Variants in RYR2 observed in about 807,000 individuals in gnomAD.
RYR2 encodes ryanodine receptor 2.
Under a neutral mutation model 601.1 loss-of-function variants are expected in RYR2, and 227 were observed. The ratio of observed to expected loss-of-function variants is 0.38; its 90% CI spans 0.34 to 0.42. The LOEUF (loss-of-function observed/expected upper bound fraction) is 0.42. Among genes scored for constraint, RYR2 ranks in the 10% least tolerant of loss-of-function variants. RYR2 has a pLI of 1.00. For synonymous variants in RYR2, 2,223 were observed against 2,175.1 expected (o/e 1.02, Z -0.61); for missense variants, 4,646 against 6,156.5 (o/e 0.75, Z 8.21).
intron 97 of RYR2, among the ~76,000 whole-genome samples, chr1:237,800,566 G>A (rs1206896429): frequency 6.6e-6 from 1 of 152,030 alleles, no homozygotes; most frequent in Non-Finnish European, 1.5e-5. Flanking sequence ...AATGATTAAA[G>A]AAGTCAATAA....
At chr1:237,077,819 A>G (rs1338123991) in intron 1 of RYR2, among the ~76,000 whole-genome samples, 6 of 152,132 alleles carry the variant, frequency 3.9e-5, no homozygotes, top group South Asian at 2.1e-4. Flanking sequence ...TCAACAGAAT[A>G]TACATTTTTT....
intron 89 of RYR2, among the ~76,000 whole-genome samples, chr1:237,783,022 C>T (rs1695250759): frequency 6.6e-6 from 1 of 152,180 alleles, no homozygotes; most frequent in Non-Finnish European, 1.5e-5. Flanking sequence ...TGAATAAAAG[C>T]ATTCTGTGAT....
chr1:237,812,299 G>A (rs903401672), intron 100 of RYR2, among the ~76,000 whole-genome samples: 5 of 152,104 alleles, frequency 3.3e-5, no homozygotes, highest in African/African-American at 4.8e-5. Context: ...CCAGGCACTC[G>A]TTAAGGATAA....
chr1:237,666,650 A>G (rs1484998804), intron 57 of RYR2, 61 bp downstream of exon 57: 3 of 1,304,112 alleles, frequency 2.3e-6, no homozygotes, highest in Non-Finnish European at 3.2e-6. Context: ...GCATAATGTA[A>G]TGCTTTCCTG....
intron 12 of RYR2, among the ~76,000 whole-genome samples, chr1:237,429,395 G>A (rs992212755): frequency 6.6e-6 from 1 of 152,102 alleles, no homozygotes; most frequent in Non-Finnish European, 1.5e-5. Context: ...ATATAACTGG[G>A]CTGTAGCTTT....
chr1:237,482,420 A>T (rs1662216054), intron 17 of RYR2, among the ~76,000 whole-genome samples: 1 of 151,986 alleles, frequency 6.6e-6, no homozygotes, highest in Non-Finnish European at 1.5e-5. Flanking sequence ...AAATGTTTTG[A>T]TTTTTAGATC....
chr1:237,669,190 G>T (rs1684607527), intron 58 of RYR2, among the ~76,000 whole-genome samples: 1 of 145,502 alleles, frequency 6.9e-6, no homozygotes, highest in Non-Finnish European at 1.5e-5. Flanking sequence ...CACAGGGTTG[G>T]GGGTAAGGTC....
intron 3 of RYR2, among the ~76,000 whole-genome samples, chr1:237,355,216 G>A (rs984885555): frequency 1.3e-5 from 2 of 152,130 alleles, no homozygotes; most frequent in South Asian, 2.1e-4. Context: ...GGTGAGTTAA[G>A]GAAACTTACC....
At chr1:237,455,764 G>A (rs1441479752) in intron 15 of RYR2, among the ~76,000 whole-genome samples, 5 of 152,054 alleles carry the variant, frequency 3.3e-5, no homozygotes, top group Admixed American at 6.6e-5. Context: ...AGACCTCAAC[G>A]GCACGAAAGC....
chr1:237,783,385 C>T (rs191235678), intron 89 of RYR2, among the ~76,000 whole-genome samples: 3 of 152,182 alleles, frequency 2.0e-5, no homozygotes, highest in African/African-American at 7.2e-5. Context: ...GGCTCTTTGG[C>T]TCATTTTCTT....
At chr1:237,602,557 A>C (rs1676626608) in intron 35 of RYR2, among the ~76,000 whole-genome samples, 2 of 152,234 alleles carry the variant, frequency 1.3e-5, no homozygotes, top group South Asian at 4.1e-4. Flanking sequence ...TAACTGTAAA[A>C]TAGAAGCTCT....
rs1217059904 is a variant in RYR2, at chr1:237,616,474, C to A, written c.5716-812C>A. 3.9e-5 allele frequency among the ~76,000 whole-genome samples: 6 copies of A among 152,066 alleles called. No individual in the cohort carries two copies. The East Asian group carries it at 1.2e-3, about 29-fold the overall frequency. The stretch of plus-strand genomic sequence containing the variant: ...GCAGTTCAATGATCTCATCCATAAC[C>A]CAGATCTTAATATTTTTCTGCTCTG... On this transcript the variant is annotated intron_variant, in intron 37 of 104. Coordinates refer to ENST00000366574, the MANE Select transcript of RYR2 (RefSeq NM_001035.3).
chr1:237,334,746 G>T (rs1391209588), intron 3 of RYR2, among the ~76,000 whole-genome samples: 2 of 152,064 alleles, frequency 1.3e-5, no homozygotes, highest in African/African-American at 2.4e-5. Context: ...TGGGTTTTCT[G>T]TGGTTCTGGA....
chr1:237,051,221 C>T (rs375963262), intron 1 of RYR2, among the ~76,000 whole-genome samples: 1 of 112,936 alleles, frequency 8.9e-6, no homozygotes, highest in Non-Finnish European at 1.8e-5. Flanking sequence ...TTCTCTCCCC[C>T]CCCTTCCTCC....
chr1:237,649,797 T>G (rs1682541262), intron 49 of RYR2, 80 bp from the exon 50 acceptor site: 1 of 1,168,754 alleles, frequency 8.6e-7, no homozygotes, highest in Non-Finnish European at 1.2e-6. Flanking sequence ...ATAGTGAAAT[T>G]GTATGTCCCC....
rs1658770928 is a variant in RYR2, at chr1:237,793,955, A to G, written c.13871A>G (p.Asp4624Gly). ...TATATTACAGAACAGCCTTCAGAAG[A>G]TGATATTAAAGGCCAGTGGGATAGA... Reference protein sequence around the residue: ...GLYITEQPSEDDIKGQWDRLV... With the variant: ...GLYITEQPSEGDIKGQWDRLV... The change falls in exon 95 of 105, where the codon GAT becomes GGT. Residue 4624 changes from aspartate to glycine, a missense_variant. Coordinates refer to ENST00000366574, the MANE Select transcript of RYR2 (RefSeq NM_001035.3). 2 of 1,611,558 alleles carry G rather than the reference A, an allele frequency of 1.2e-6. No individual in the cohort carries two copies. Among genetic ancestry groups the G allele is most frequent in the Middle Eastern group, 1.6e-4 (1 of 6,076 alleles).
intron 14 of RYR2, among the ~76,000 whole-genome samples, chr1:237,446,550 T>G (rs1708356611): frequency 6.6e-6 from 1 of 152,196 alleles, no homozygotes; most frequent in Admixed American, 6.5e-5. Flanking sequence ...TGGTAAATTT[T>G]TTTTTTGGCT....
At chr1:237,401,264 A>G (rs937055069) in intron 10 of RYR2, among the ~76,000 whole-genome samples, 1 of 152,228 alleles carries the variant, frequency 6.6e-6, no homozygotes, top group Admixed American at 6.5e-5. Flanking sequence ...ATACTGCGGT[A>G]TATTTCTGAC....
At chr1:237,148,270 C>T (rs1487661979) in intron 1 of RYR2, among the ~76,000 whole-genome samples, 3 of 151,730 alleles carry the variant, frequency 2.0e-5, no homozygotes, top group East Asian at 1.9e-4. Context: ...AACCAAACAC[C>T]GCATGTTCTC....
Sources: gnomAD v4.1 joint callset for allele counts (sites outside exome capture counted in the v4.1 genomes callset) on GRCh38, gnomAD v4.1.1 for gene constraint, MANE v1.5 for transcripts, NCBI Gene and HGNC (gene_info 2026-07-23, HGNC 2026-07-21) for gene names.